The following TNS1 variants were observed in gnomAD, a reference collection of about 807,000 sequenced individuals.
The protein encoded by TNS1 is tensin 1.
TNS1 carries 62 observed loss-of-function variants against 168.6 expected under a neutral mutation model. The ratio of observed to expected loss-of-function variants is 0.37; its 90% CI spans 0.30 to 0.45. The LOEUF (loss-of-function observed/expected upper bound fraction) is 0.45, where lower values mean the gene tolerates loss of function less well. TNS1 is among the 20% of genes least tolerant of loss of function. The probability of loss-of-function intolerance (pLI) is 1.00; values close to 1 mark genes in which losing one functional copy is unlikely to be tolerated. For synonymous variants in TNS1, 934 were observed against 933.2 expected (o/e 1.00, Z -0.02); for missense variants, 2,240 against 2,339.4 (o/e 0.96, Z 0.88).
In TNS1 at chr2:217,948,395, T is replaced by A. The variant is rs567845249; in HGVS notation, c.187-28159A>T. ...GAGGCCACTGGGGCACCGCTCTGCT[T>A]CCTTCCCAAGATGTCCTGGGGCAGA... On this transcript the variant is annotated intron_variant, in intron 3 of 32. Coordinates refer to ENST00000682258, the MANE Select transcript of TNS1 (RefSeq NM_001387777.1). The surrounding 1 kb of genome is among the most constrained non-coding windows in gnomAD (Gnocchi z 4.1). 6.6e-6 allele frequency among the ~76,000 whole-genome samples: 1 copy of A among 152,230 alleles called. No homozygotes were observed. The highest frequency in any genetic ancestry group is 1.9e-4 in the East Asian group (1 of 5,170).
intron 2 of TNS1, among the ~76,000 whole-genome samples, chr2:217,980,504 CACAG>C (rs768187678): frequency 0.091 from 11,908 of 130,250 alleles, 457 homozygotes; most frequent in South Asian, 0.13. Context: ...CCTACACACA[CACAG>C]AGAGAGAGAG....
At chr2:217,991,716 G>A (rs957431483) in intron 1 of TNS1, among the ~76,000 whole-genome samples, 1 of 151,958 alleles carries the variant, frequency 6.6e-6, no homozygotes, top group Non-Finnish European at 1.5e-5. Flanking sequence ...CTGCTGATGG[G>A]CCTTCGCTTC....
At chr2:217,969,549 G>A (rs755231050) in intron 3 of TNS1, among the ~76,000 whole-genome samples, 13 of 152,122 alleles carry the variant, frequency 8.5e-5, no homozygotes, top group Non-Finnish European at 1.3e-4. Flanking sequence ...TAAGGAATTT[G>A]TATCCTGAAC....
At chr2:217,994,196 G>A (rs926486728) in intron 1 of TNS1, among the ~76,000 whole-genome samples, 25 of 152,136 alleles carry the variant, frequency 1.6e-4, no homozygotes, top group African/African-American at 6.0e-4. Context: ...CATCCCACAA[G>A]AAGGGGCAGG....
In TNS1 at chr2:217,820,728, T is replaced by C. The variant is rs536698583; in HGVS notation, c.3572+1012A>G. On this transcript the variant is annotated intron_variant, in intron 23 of 32. Coordinates refer to ENST00000682258, the MANE Select transcript of TNS1 (RefSeq NM_001387777.1). ...AGCTGATTGCAACCCTCCTTTCCTA[T>C]GCCGTCATCCCATCTCTTTGTCCCC... Among the ~76,000 whole-genome samples, 35 of 152,276 alleles carry C rather than the reference T, an allele frequency of 2.3e-4. 1 individual carries two copies. In the South Asian group the frequency reaches 7.3e-3, roughly 32 times the overall value.
At chr2:217,905,198 T>C (rs915721910) in intron 6 of TNS1, 1 of 257,158 alleles carries the variant, frequency 3.9e-6, no homozygotes, top group East Asian at 1.2e-4. Flanking sequence ...CACAAAAAAT[T>C]AGGTTCCCCC....
At chr2:217,890,859 C>T in intron 12 of TNS1, 103 bp downstream of exon 12, 1 of 1,296,006 alleles carries the variant, frequency 7.7e-7, no homozygotes, top group Non-Finnish European at 1.1e-6. Flanking sequence ...GGTACACCCC[C>T]ACCTAGGCAC....
Position 217,876,578 on chromosome 2 carries a change from T to A in TNS1, c.1429+4320A>T, listed in dbSNP as rs1950223490. On this transcript the variant is annotated intron_variant, in intron 18 of 32. Coordinates refer to ENST00000682258, the MANE Select transcript of TNS1 (RefSeq NM_001387777.1). ...GTGACCCAGAAAACTCCTTCTCAGG[T>A]GTGACGAGCTGAACTGTTCCCCCAT... Among the ~76,000 whole-genome samples, 2 of 152,218 alleles carry A rather than the reference T, an allele frequency of 1.3e-5. 1 individual carries two copies. The highest frequency in any genetic ancestry group is 6.8e-3 in the Middle Eastern group (2 of 294).
At chr2:217,853,235 T>G (rs79130897) in intron 18 of TNS1, among the ~76,000 whole-genome samples, 5,037 of 151,616 alleles carry the variant, frequency 0.033, 286 homozygotes, top group African/African-American at 0.11. Flanking sequence ...AGGAGTGAAA[T>G]AAGGTAGAGG....
intron 16 of TNS1, 68 bp from the exon 17 acceptor site, chr2:217,882,479 T>A: frequency 1.8e-6 from 2 of 1,111,482 alleles, no homozygotes; most frequent in East Asian, 4.8e-5. Flanking sequence ...AAAAGTTTTC[T>A]TCTAGAAAAA....
intron 18 of TNS1, among the ~76,000 whole-genome samples, chr2:217,875,600 A>C (rs375573536): frequency 6.6e-6 from 1 of 151,856 alleles, no homozygotes; most frequent in Non-Finnish European, 1.5e-5. Context: ...TCATCTATTT[A>C]TTTCTTTCTC....
At chr2:217,971,967 A>G (rs572330021) in intron 3 of TNS1, among the ~76,000 whole-genome samples, 1 of 152,366 alleles carries the variant, frequency 6.6e-6, no homozygotes, top group East Asian at 1.9e-4. Context: ...GTGTCTATCC[A>G]GTCTTCACAC....
chr2:217,952,087 A>G (rs1450010697), intron 3 of TNS1, among the ~76,000 whole-genome samples: 1 of 152,204 alleles, frequency 6.6e-6, no homozygotes, highest in Non-Finnish European at 1.5e-5. Context: ...ACAAACACAA[A>G]CACACAACAC....
At chr2:217,885,310 C>T in intron 15 of TNS1, 146 bp from the exon 16 acceptor site, 1 of 1,195,698 alleles carries the variant, frequency 8.4e-7, no homozygotes, top group East Asian at 2.6e-5. Flanking sequence ...CAAACAGGAT[C>T]TCAGAGTTCT....
intron 1 of TNS1, among the ~76,000 whole-genome samples, chr2:218,026,911 C>T (rs1208383346): frequency 1.3e-5 from 2 of 152,202 alleles, no homozygotes; most frequent in South Asian, 2.1e-4. Context: ...GAGGACATGG[C>T]GGAGGGCCAG....
At chr2:217,958,841 C>G (rs3791887) in intron 3 of TNS1, among the ~76,000 whole-genome samples, 28,492 of 152,182 alleles carry the variant, frequency 0.19, 4,392 homozygotes, top group African/African-American at 0.42. Context: ...AAGGCTTCCT[C>G]CTTGCCCAGG....
chr2:217,813,442 A>G lies in TNS1; in HGVS notation c.4862-135T>C. The G allele has an allele frequency of 1.1e-6, 1 of 927,872 alleles. No homozygotes were observed. Among genetic ancestry groups the G allele is most frequent in the Admixed American group, 2.2e-5 (1 of 46,134 alleles). The allele number at this position is 927,872 out of a possible 1,614,324, so 57.5% of individuals were successfully genotyped here. A position where few individuals can be genotyped will look rare whatever the true frequency, so the allele number is the denominator to read the frequency against. On this transcript the variant is annotated intron_variant, in intron 26 of 32. Coordinates refer to ENST00000682258, the MANE Select transcript of TNS1 (RefSeq NM_001387777.1). The surrounding 1 kb of genome is among the most constrained non-coding windows in gnomAD (Gnocchi z 4.0). Reference sequence around the variant, plus strand: ...ATGACTGAAGAGAGAACGTGGCTGGAGCCCCATGGACTGCAGAGCCCACTG... The same window carrying G: ...ATGACTGAAGAGAGAACGTGGCTGGGGCCCCATGGACTGCAGAGCCCACTG...
At chr2:217,903,595 A>G (rs955745617) in intron 6 of TNS1, 4 of 1,536,032 alleles carry the variant, frequency 2.6e-6, no homozygotes, top group Non-Finnish European at 2.6e-6. Context: ...AACTCTCCCC[A>G]TCCTTACCTC....
In TNS1 at chr2:217,850,621, A is replaced by ACACG. The variant is rs1190187915; in HGVS notation, c.1430-1538_1430-1535dup. ...CACACACACACACACACACACACACACACGCACGCACGCACCTCCCCTTAC... is the reference window on the plus strand; with the variant it reads ...CACACACACACACACACACACACACACACGCACGCACGCACGCACCTCCCCTTAC... On this transcript the variant is annotated intron_variant, in intron 18 of 32. Transcript: ENST00000682258. 244 of 901,054 alleles carry ACACG rather than the reference A, an allele frequency of 2.7e-4. 1 individual carries two copies. The highest frequency in any genetic ancestry group is 2.4e-3 in the African/African-American group (120 of 49,282). The allele number at this position is 901,054 out of a possible 1,614,324, so 55.8% of individuals were successfully genotyped here. A position where few individuals can be genotyped will look rare whatever the true frequency, so the allele number is the denominator to read the frequency against.
Sources: allele counts gnomAD v4.1 joint callset (sites outside exome capture counted in the v4.1 genomes callset), GRCh38; gene constraint gnomAD v4.1.1; non-coding constraint Gnocchi (gnomAD v3.1); transcripts MANE v1.5; gene names NCBI Gene and HGNC (gene_info 2026-07-23, HGNC 2026-07-21).